Variants in TMEM117 observed in about 807,000 individuals in gnomAD.
TMEM117 encodes transmembrane protein 117.
A neutral mutation model predicts 52.4 loss-of-function variants in TMEM117; 27 were observed. The observed-to-expected ratio is 0.51, with a 90% confidence interval of 0.38 to 0.71. The LOEUF (loss-of-function observed/expected upper bound fraction) is 0.71, where lower values mean the gene tolerates loss of function less well. TMEM117 is among the 30% of genes least tolerant of loss of function. The pLI is 0.00. For synonymous variants in TMEM117, 215 were observed against 206.3 expected, an observed-to-expected ratio of 1.04 and a Z score of -0.36; for missense variants, 556 against 630.5, an observed-to-expected ratio of 0.88 and a Z score of 1.26.
At chr12:43,996,673 T>TAAATAAATAAATAAA (rs1565785632) in intron 3 of TMEM117, among the ~76,000 whole-genome samples, 1 of 151,358 alleles carries the variant, frequency 6.6e-6, no homozygotes, top group East Asian at 1.9e-4. Flanking sequence ...AATAAATAAA[T>TAAATAAATAAATAAA]TTAGGGAATG....
intron 3 of TMEM117, among the ~76,000 whole-genome samples, chr12:44,094,365 G>A (rs927614981): frequency 2.6e-5 from 4 of 152,062 alleles, no homozygotes; most frequent in African/African-American, 7.2e-5. Context: ...TGAGTGGAAT[G>A]AATTGGAGGT....
Position 44,388,637 on chromosome 12 carries a change from G to A in TMEM117, c.1510G>A (p.Asp504Asn), listed in dbSNP as rs1195769168. 6.2e-7 allele frequency: 1 copy of A among 1,613,314 alleles called. No individual in the cohort carries two copies. The highest frequency in any genetic ancestry group is 8.5e-7 in the Non-Finnish European group (1 of 1,179,462). The change falls in exon 8 of 8, where the codon GAC becomes AAC. Residue 504 changes from aspartate to asparagine, a missense_variant. By Grantham distance (23) the Asp-to-Asn change is conservative (BLOSUM62 1). Transcript: ENST00000266534. ...TACTAGTGCAACAGAAGCTGATCAAGACCCAACGACTTCTAAAAGTACACC... is the reference window on the plus strand; with the variant it reads ...TACTAGTGCAACAGAAGCTGATCAAAACCCAACGACTTCTAAAAGTACACC... The part of the protein sequence containing the change: ...ESTSATEADQ[D>N]PTTSKSTPTN
At chr12:44,194,930 T>C (rs1592596658) in intron 4 of TMEM117, among the ~76,000 whole-genome samples, 1 of 152,198 alleles carries the variant, frequency 6.6e-6, no homozygotes, top group East Asian at 1.9e-4. Context: ...GTAAGCACAA[T>C]TAATGTAATT....
chr12:44,371,124 T>C (rs768221204), intron 6 of TMEM117, among the ~76,000 whole-genome samples: 35 of 152,140 alleles, frequency 2.3e-4, no homozygotes, highest in Non-Finnish European at 3.8e-4. Context: ...AAAGCCTGAG[T>C]ACAATTCTTC....
intron 4 of TMEM117, among the ~76,000 whole-genome samples, chr12:44,188,941 A>ATAATAGATG: frequency 6.6e-6 from 1 of 152,324 alleles, no homozygotes; most frequent in South Asian, 2.1e-4. Flanking sequence ...TTATTGGTAC[A>ATAATAGATG]TAATAGATGT....
At chr12:44,310,376 C>T (rs1333819357) in intron 6 of TMEM117, among the ~76,000 whole-genome samples, 2 of 152,178 alleles carry the variant, frequency 1.3e-5, no homozygotes, top group South Asian at 2.1e-4. Context: ...CAGTGGCTCA[C>T]GCCTCTAATC....
intron 5 of TMEM117, among the ~76,000 whole-genome samples, chr12:44,257,808 A>C (rs934514039): frequency 2.6e-5 from 4 of 152,142 alleles, no homozygotes; most frequent in African/African-American, 9.7e-5. Flanking sequence ...GAGGAAATTT[A>C]TGAGAAAATA....
intron 3 of TMEM117, among the ~76,000 whole-genome samples, chr12:44,125,423 C>T (rs1197223600): frequency 1.3e-5 from 2 of 152,144 alleles, no homozygotes; most frequent in African/African-American, 4.8e-5. Context: ...TCAATTTCCT[C>T]CTGGTTCAGT....
At chr12:43,912,510 T>TATATATATATATATATATAC (rs1944527729) in intron 2 of TMEM117, among the ~76,000 whole-genome samples, 1 of 14,764 alleles carries the variant, frequency 6.8e-5, no homozygotes, top group African/African-American at 7.5e-5. Flanking sequence ...TAATAATTTA[T>TATATATATATATATATATAC]ATATATATAT....
At chr12:44,204,188 C>T (rs534286172) in intron 4 of TMEM117, among the ~76,000 whole-genome samples, 1 of 152,206 alleles carries the variant, frequency 6.6e-6, no homozygotes, top group African/African-American at 2.4e-5. Flanking sequence ...CCCTAAAAGG[C>T]TCCTAAACTG....
At chr12:44,262,975 C>G (rs1294903045) in intron 5 of TMEM117, among the ~76,000 whole-genome samples, 1 of 152,188 alleles carries the variant, frequency 6.6e-6, no homozygotes, top group Non-Finnish European at 1.5e-5. Flanking sequence ...CACAACCAGA[C>G]TTTGTTTTAA....
chr12:44,363,843 A>G (rs1010876676), intron 6 of TMEM117, among the ~76,000 whole-genome samples: 20 of 152,136 alleles, frequency 1.3e-4, no homozygotes, highest in Admixed American at 4.6e-4. Flanking sequence ...TTGAAGATAT[A>G]TATAGTATTA....
chr12:43,943,592 G>C (rs1370144401), intron 2 of TMEM117, among the ~76,000 whole-genome samples: 1 of 152,118 alleles, frequency 6.6e-6, no homozygotes, highest in African/African-American at 2.4e-5. Context: ...TTTGCCAGGA[G>C]CCACACCAAG....
chr12:44,076,058 A>G (rs1947377233), intron 3 of TMEM117, among the ~76,000 whole-genome samples: 1 of 152,184 alleles, frequency 6.6e-6, no homozygotes, highest in African/African-American at 2.4e-5. Context: ...TGCCGTTACC[A>G]CCACCTAAAT....
chr12:44,276,359 G>A (rs1192068369), intron 5 of TMEM117, among the ~76,000 whole-genome samples: 1 of 152,106 alleles, frequency 6.6e-6, no homozygotes, highest in Non-Finnish European at 1.5e-5. Context: ...GAATAAAGTT[G>A]GAGGACAATG....
intron 3 of TMEM117, among the ~76,000 whole-genome samples, chr12:43,970,960 G>T (rs569101075): frequency 6.6e-6 from 1 of 152,058 alleles, no homozygotes; most frequent in Non-Finnish European, 1.5e-5. Context: ...TATGTCAACG[G>T]TATTCAACCT....
intron 2 of TMEM117, among the ~76,000 whole-genome samples, chr12:43,938,200 A>G (rs1944984347): frequency 6.7e-6 from 1 of 150,206 alleles, no homozygotes; most frequent in South Asian, 2.1e-4. Flanking sequence ...GTAATGGGCC[A>G]CCTAGTGGTC....
At chr12:43,797,459 A>G in the TMEM117 span, 13 of 1,568,246 alleles carry the variant, frequency 8.3e-6, no homozygotes, top group East Asian at 2.7e-4. Context: ...TTTCCTGCCA[A>G]TAAGAAACAA....
chr12:43,876,849 A>G lies in TMEM117; in HGVS notation c.277+31921A>G, dbSNP rs1159919444. Among the ~76,000 whole-genome samples, 4 of 152,238 alleles carry G rather than the reference A, an allele frequency of 2.6e-5. 1 individual carries two copies. The highest frequency in any genetic ancestry group is 2.0e-4 in the Admixed American group (3 of 15,286). ...AAAATACTATATAGAAATAAGTATT[A>G]CTAGTATTTTGTCATATCCTTTCCC... On this transcript the variant is annotated intron_variant, in intron 2 of 7. Coordinates refer to ENST00000266534, the MANE Select transcript of TMEM117 (RefSeq NM_032256.3).
Sources: gnomAD v4.1 joint callset for allele counts (sites outside exome capture counted in the v4.1 genomes callset) on GRCh38, gnomAD v4.1.1 for gene constraint, MANE v1.5 for transcripts, NCBI Gene and HGNC (gene_info 2026-07-23, HGNC 2026-07-21) for gene names.